HCN1: variants seen among roughly 807,000 people sequenced by gnomAD.
HCN1 encodes the protein hyperpolarization activated cyclic nucleotide gated potassium channel 1, also known as potassium/sodium hyperpolarization-activated cyclic nucleotide-gated channel 1.
In HCN1, 13 loss-of-function variants were observed where a neutral mutation model predicts 78.9. The ratio of observed to expected loss-of-function variants is 0.16; its 90% confidence interval spans 0.11 to 0.26. HCN1 has a LOEUF of 0.26. Ranked by LOEUF, HCN1 falls within the 10% of genes least tolerant of loss-of-function variation. The probability of loss-of-function intolerance (pLI) is 1.00; values close to 1 mark genes in which losing one functional copy is unlikely to be tolerated. For synonymous variants in HCN1, 552 were observed against 455.5 expected (o/e 1.21, Z -2.70); for missense variants, 810 against 1,154.3 (o/e 0.70, Z 4.32).
chr5:45,282,020 A>G (rs1745179777), intron 6 of HCN1, among the ~76,000 whole-genome samples: 2 of 152,202 alleles, frequency 1.3e-5, no homozygotes, highest in Admixed American at 6.5e-5. Flanking sequence ...ACAAAAGCAC[A>G]TAGATTATTT....
At chr5:45,362,414 A>G (rs1221498750) in intron 4 of HCN1, among the ~76,000 whole-genome samples, 2 of 152,118 alleles carry the variant, frequency 1.3e-5, no homozygotes, top group Non-Finnish European at 2.9e-5. Context: ...CTTTTACTTA[A>G]GAATATCTAC....
intron 2 of HCN1, among the ~76,000 whole-genome samples, chr5:45,462,626 T>A (rs754847386): frequency 2.0e-5 from 3 of 152,098 alleles, no homozygotes; most frequent in Admixed American, 6.6e-5. Flanking sequence ...TCATAACTAT[T>A]TCCATAAACT....
intron 4 of HCN1, among the ~76,000 whole-genome samples, chr5:45,368,195 C>T (rs777293032): frequency 6.6e-6 from 1 of 151,934 alleles, no homozygotes. Flanking sequence ...ACATTATAAA[C>T]AATTTCTCAA....
chr5:45,392,852 A>AT (rs1739612062), intron 4 of HCN1, among the ~76,000 whole-genome samples: 1 of 151,908 alleles, frequency 6.6e-6, no homozygotes, highest in East Asian at 1.9e-4. Context: ...TAAATTTGTC[A>AT]TTTTGGAGAA....
chr5:45,463,716 G>T (rs1200233577), intron 2 of HCN1, among the ~76,000 whole-genome samples: 1 of 151,798 alleles, frequency 6.6e-6, no homozygotes, highest in Non-Finnish European at 1.5e-5. Context: ...TAATAAAAAA[G>T]CTTTCTACTG....
rs1038532849 is a variant in HCN1 at position 45,327,751 on chromosome 5, G to A, written c.1378-23912C>T. ...AATCCAATCTGACTGGCTGACTGGC[G>A]TCCTTTTATAAGAAGAGGAAATTTG... is the stretch of plus-strand genomic sequence containing the variant. On this transcript the variant is annotated intron_variant, in intron 5 of 7. Coordinates refer to ENST00000303230, the MANE Select transcript of HCN1 (RefSeq NM_021072.4). 7.3e-5 allele frequency among the ~76,000 whole-genome samples: 11 copies of A among 151,310 alleles called. No homozygotes were observed. In the East Asian group the frequency reaches 7.9e-4, roughly 11 times the overall value.
At chr5:45,413,132 C>T (rs190178875) in intron 3 of HCN1, among the ~76,000 whole-genome samples, 2 of 151,914 alleles carry the variant, frequency 1.3e-5, no homozygotes, top group East Asian at 1.9e-4. Context: ...AAATAAGATG[C>T]GTACAATTCC....
chr5:45,504,108 C>G (rs116578360), intron 2 of HCN1, among the ~76,000 whole-genome samples: 3 of 151,782 alleles, frequency 2.0e-5, no homozygotes, highest in African/African-American at 7.3e-5. Flanking sequence ...TATTCTTCTT[C>G]TTATTATTAT....
At position 45,639,122 on chromosome 5, in the gene HCN1, CT is replaced by C. The variant is rs1359280574; in HGVS notation, c.849+6062del. Reference sequence around the variant, plus strand: ...TACGAATATCCATAGTCATCTTTTTCTTTTTTTCAAGAAATGAACTAGCCAA... The same window carrying C: ...TACGAATATCCATAGTCATCTTTTTCTTTTTTCAAGAAATGAACTAGCCAA... On this transcript the variant is annotated intron_variant, in intron 2 of 7. Transcript: ENST00000303230. Among the ~76,000 whole-genome samples, 5 of 151,914 alleles carry C rather than the reference CT, an allele frequency of 3.3e-5. No homozygotes were observed. The South Asian group carries it at 1.0e-3, about 32-fold the overall frequency.
intron 2 of HCN1, among the ~76,000 whole-genome samples, chr5:45,487,897 C>G (rs111593976): frequency 2.6e-5 from 4 of 152,098 alleles, no homozygotes; most frequent in African/African-American, 9.6e-5. Flanking sequence ...GGGTTTCGAT[C>G]TAAAAATATT....
intron 5 of HCN1, among the ~76,000 whole-genome samples, chr5:45,311,165 T>A (rs1561099721): frequency 6.6e-6 from 1 of 152,178 alleles, no homozygotes; most frequent in East Asian, 1.9e-4. Context: ...CCCTTGAACT[T>A]AAAATGAAAG....
intron 2 of HCN1, among the ~76,000 whole-genome samples, chr5:45,583,632 G>A (rs1053359756): frequency 6.6e-6 from 1 of 151,844 alleles, no homozygotes; most frequent in African/African-American, 2.4e-5. Flanking sequence ...TGTCAATTTT[G>A]GATCTTTCCT....
intron 4 of HCN1, 104 bp from the exon 5 acceptor site, chr5:45,353,350 AC>A: frequency 3.5e-6 from 3 of 866,054 alleles, no homozygotes; most frequent in Non-Finnish European, 5.5e-6. Flanking sequence ...ATACTCAGTT[AC>A]AAAAAAAAAG....
chr5:45,658,551 T>A (rs928475268), intron 1 of HCN1, among the ~76,000 whole-genome samples: 1 of 152,086 alleles, frequency 6.6e-6, no homozygotes, highest in Non-Finnish European at 1.5e-5. Context: ...AACGGGTTCA[T>A]CTCACTAGGG....
intron 4 of HCN1, among the ~76,000 whole-genome samples, chr5:45,372,219 A>ATATATATAATATATATTATATTT (rs1203975026): frequency 1.4e-5 from 1 of 71,020 alleles, no homozygotes; most frequent in Non-Finnish European, 2.3e-5. Flanking sequence ...ATATAATATA[A>ATATATATAATATATATTATATTT]TATATATAAT....
At position 45,259,589 on chromosome 5, in the gene HCN1, A is replaced by G. The variant is rs1290587990; in HGVS notation, c.*2332T>C. On this transcript the variant is annotated 3_prime_UTR_variant, in exon 8 of 8. Coordinates refer to ENST00000303230, the MANE Select transcript of HCN1 (RefSeq NM_021072.4). ...CATATATGTATATAATTTACCCTGT[A>G]CCTTTTTATTAGTTTAATATATAAA... The G allele has an allele frequency of 2.0e-5, 3 of 152,172 alleles. No homozygotes were observed. The highest frequency in any genetic ancestry group is 4.4e-5 in the Non-Finnish European group (3 of 67,870). The allele number at this position is 152,172 out of a possible 1,614,324, so 9.4% of individuals were successfully genotyped here.
At chr5:45,467,847 T>C (rs1206983553) in intron 2 of HCN1, among the ~76,000 whole-genome samples, 1 of 152,172 alleles carries the variant, frequency 6.6e-6, no homozygotes, top group Non-Finnish European at 1.5e-5. Context: ...AACATTTTAA[T>C]TGAAAAAGAA....
chr5:45,499,344 C>T (rs559656641), intron 2 of HCN1, among the ~76,000 whole-genome samples: 6 of 152,166 alleles, frequency 3.9e-5, no homozygotes, highest in African/African-American at 1.2e-4. Context: ...GGGAGTGACC[C>T]GATTTTCCAG....
chr5:45,297,443 G>A (rs1745521078), intron 6 of HCN1, among the ~76,000 whole-genome samples: 1 of 152,068 alleles, frequency 6.6e-6, no homozygotes, highest in Admixed American at 6.6e-5. Flanking sequence ...CCAGATTTTG[G>A]GGGGCTTGCT....
Sources: allele counts gnomAD v4.1 joint callset (sites outside exome capture counted in the v4.1 genomes callset), GRCh38; gene constraint gnomAD v4.1.1; transcripts MANE v1.5; gene names NCBI Gene and HGNC (gene_info 2026-07-23, HGNC 2026-07-21).